ZNF385D: variants seen among roughly 807,000 people sequenced by gnomAD.
ZNF385D encodes zinc finger protein 385D.
A neutral mutation model predicts 35.8 loss-of-function variants in ZNF385D; 15 were observed. The ratio of observed to expected loss-of-function variants is 0.42; its 90% confidence interval spans 0.28 to 0.64. The LOEUF is 0.64. Ranked by LOEUF, ZNF385D falls within the 30% of genes least tolerant of loss-of-function variation. The pLI is 0.23. For missense variants in ZNF385D, 474 were observed against 494.6 expected (o/e 0.96, Z 0.39); for synonymous variants, 212 against 186.8 (o/e 1.13, Z -1.10).
rs180913413 is a variant in ZNF385D, at chr3:21,646,604, G to A, written c.165+18282C>T. Among the ~76,000 whole-genome samples the A allele has an allele frequency of 2.4e-4, 36 of 152,270 alleles. No individual in the cohort carries two copies. Among genetic ancestry groups the A allele is most frequent in the Admixed American group, 1.1e-3 (17 of 15,286 alleles). The stretch of plus-strand genomic sequence containing the variant: ...AATAGTGAATTTTGGAAATATGTCA[G>A]ACCTAGATAAACTCTGATAATCTTG... On this transcript the variant is annotated intron_variant, in intron 2 of 7. Transcript: ENST00000281523. The surrounding 1 kb of genome is among the most constrained non-coding windows in gnomAD (Gnocchi z 4.3).
chr3:21,422,351 A>G (rs923969320), intron 7 of ZNF385D, among the ~76,000 whole-genome samples: 4 of 152,186 alleles, frequency 2.6e-5, no homozygotes, highest in African/African-American at 9.7e-5. Flanking sequence ...AAAGTAAAGT[A>G]ACTTTACTTT....
Position 21,908,936 on chromosome 3 carries a change from A to G in ZNF385D, c.326-243908T>C, listed in dbSNP as rs142637227. Among the ~76,000 whole-genome samples, 695 of 152,206 alleles carry G rather than the reference A, an allele frequency of 4.6e-3. 3 individuals carry two copies. The highest frequency in any genetic ancestry group is 0.015 in the African/African-American group (633 of 41,572). ...TTTTTCAATGTGTTAGCTCTATTTT[A>G]CCTAGTTAATAATCACAAGTCTTAT... is the stretch of plus-strand genomic sequence containing the variant. On this transcript the variant is annotated intron_variant, in intron 3 of 5. Coordinates refer to the ZNF385D transcript ENST00000494108.
At chr3:22,028,295 A>G (rs188311646) in intron 3 of ZNF385D, among the ~76,000 whole-genome samples, 1 of 152,246 alleles carries the variant, frequency 6.6e-6, no homozygotes, top group Non-Finnish European at 1.5e-5. Context: ...TGTCAACACA[A>G]CTCAGCCTCT....
At chr3:21,891,915 A>T (rs1220321036) in intron 3 of ZNF385D, among the ~76,000 whole-genome samples, 1 of 152,186 alleles carries the variant, frequency 6.6e-6, no homozygotes, top group Non-Finnish European at 1.5e-5. Context: ...TGTCTGCTTA[A>T]TAGCTTTTTC....
At chr3:22,010,599 T>C (rs1460615776) in intron 3 of ZNF385D, among the ~76,000 whole-genome samples, 15 of 152,122 alleles carry the variant, frequency 9.9e-5, no homozygotes, top group Admixed American at 9.8e-4. Flanking sequence ...AGAAATCCAG[T>C]CTAAGACTCT....
chr3:22,036,909 G>C (rs371313696), intron 3 of ZNF385D, among the ~76,000 whole-genome samples: 3 of 125,158 alleles, frequency 2.4e-5, no homozygotes, highest in African/African-American at 9.5e-5. Flanking sequence ...TCCCCTTCCC[G>C]TGTCCATGTG....
At chr3:21,602,267 G>A (rs780180121) in intron 2 of ZNF385D, among the ~76,000 whole-genome samples, 2 of 152,020 alleles carry the variant, frequency 1.3e-5, no homozygotes, top group Non-Finnish European at 1.5e-5. Flanking sequence ...ATAATTCAAG[G>A]TGAGATTTGG....
chr3:21,450,447 T>C (rs424842), intron 4 of ZNF385D, among the ~76,000 whole-genome samples: 132,144 of 152,170 alleles, frequency 0.87, 57,788 homozygotes, highest in Middle Eastern at 0.95. Context: ...CCATAAGTCA[T>C]CCCTAATTGA....
rs1700512835 is a variant in ZNF385D at position 21,412,971 on chromosome 3, A to G, written c.*8243T>C. Reference sequence around the variant, plus strand: ...ATGTTTGGGGAGATGTTATCACATGACTTAAAACAGAAGACTGGCATAAAA... The same window carrying G: ...ATGTTTGGGGAGATGTTATCACATGGCTTAAAACAGAAGACTGGCATAAAA... On this transcript the variant is annotated 3_prime_UTR_variant, in exon 8 of 8. Coordinates refer to ENST00000281523, the MANE Select transcript of ZNF385D (RefSeq NM_024697.3). 6.6e-6 allele frequency: 1 copy of G among 151,890 alleles called. No homozygotes were observed. The highest frequency in any genetic ancestry group is 1.5e-5 in the Non-Finnish European group (1 of 67,946). 9.4% of individuals were successfully genotyped at this position (151,890 alleles called of 1,614,324 possible). A position where few individuals can be genotyped will look rare whatever the true frequency, so the allele number is the denominator to read the frequency against.
chr3:22,168,757 G>T, intron 3 of ZNF385D: 1 of 927,206 alleles, frequency 1.1e-6, no homozygotes, highest in Non-Finnish European at 1.3e-6. Context: ...ACATCTGCAG[G>T]TACACAAATA....
At chr3:21,962,003 A>G (rs1460188866) in intron 3 of ZNF385D, among the ~76,000 whole-genome samples, 1 of 152,168 alleles carries the variant, frequency 6.6e-6, no homozygotes, top group African/African-American at 2.4e-5. Flanking sequence ...CAGATTAAGG[A>G]AGTGAGCCTT....
intron 3 of ZNF385D, among the ~76,000 whole-genome samples, chr3:21,849,059 A>C (rs1207429201): frequency 6.6e-6 from 1 of 152,096 alleles, no homozygotes; most frequent in Non-Finnish European, 1.5e-5. Context: ...ACTATGTCTG[A>C]ATTACATAAC....
intron 2 of ZNF385D, among the ~76,000 whole-genome samples, chr3:22,345,825 C>T (rs1052522175): frequency 2.6e-5 from 4 of 152,144 alleles, no homozygotes; most frequent in African/African-American, 4.8e-5. Flanking sequence ...TCTCAGATCT[C>T]GCAGTCTGCA....
intron 1 of ZNF385D, among the ~76,000 whole-genome samples, chr3:21,724,477 CAAAA>C (rs200803155): frequency 1.9e-5 from 1 of 52,022 alleles, no homozygotes; most frequent in Non-Finnish European, 3.3e-5. Flanking sequence ...AATGGAAAGC[CAAAA>C]AAAAAAAAAA....
chr3:22,279,128 G>C (rs958069495), intron 2 of ZNF385D, among the ~76,000 whole-genome samples: 3 of 152,062 alleles, frequency 2.0e-5, no homozygotes, highest in Admixed American at 1.3e-4. Flanking sequence ...TATTTCAATA[G>C]GTTTTGGGGG....
intron 3 of ZNF385D, among the ~76,000 whole-genome samples, chr3:21,938,343 G>A (rs533132611): frequency 1.3e-5 from 2 of 152,296 alleles, no homozygotes; most frequent in African/African-American, 4.8e-5. Context: ...TCACTGAAGT[G>A]TATCAGGTCC....
rs1225252312 is a variant in ZNF385D, at chr3:21,418,865, A to G, written c.*2349T>C. On this transcript the variant is annotated 3_prime_UTR_variant, in exon 8 of 8. Coordinates refer to ENST00000281523, the MANE Select transcript of ZNF385D (RefSeq NM_024697.3). ...TTGACATAGCAGAAAAGGGAAACTA[A>G]AGTTCAAAATGGTTAGAAGCTGGTC... 1 of 152,196 alleles carries G rather than the reference A, an allele frequency of 6.6e-6. No individual in the cohort carries two copies. Among genetic ancestry groups the G allele is most frequent in the East Asian group, 1.9e-4 (1 of 5,184 alleles). The allele number at this position is 152,196 out of a possible 1,614,324, so 9.4% of individuals were successfully genotyped here. A position where few individuals can be genotyped will look rare whatever the true frequency, so the allele number is the denominator to read the frequency against.
intron 1 of ZNF385D, among the ~76,000 whole-genome samples, chr3:21,707,205 T>A (rs1039822469): frequency 5.3e-5 from 8 of 152,208 alleles, no homozygotes; most frequent in Non-Finnish European, 7.3e-5. Flanking sequence ...CCTATTTAGA[T>A]TGGCTTCATT....
At chr3:21,916,176 A>C (rs2125919094) in intron 3 of ZNF385D, among the ~76,000 whole-genome samples, 1 of 152,320 alleles carries the variant, frequency 6.6e-6, no homozygotes, top group South Asian at 2.1e-4. Context: ...TATTTTGTTA[A>C]TCACAATGCA....
Sources: gnomAD v4.1 joint callset for allele counts (sites outside exome capture counted in the v4.1 genomes callset) on GRCh38, gnomAD v4.1.1 for gene constraint, Gnocchi (gnomAD v3.1) non-coding constraint, MANE v1.5 for transcripts, NCBI Gene and HGNC (gene_info 2026-07-23, HGNC 2026-07-21) for gene names.